The following ACYP2 variants were observed in gnomAD, a reference collection of about 807,000 sequenced individuals.
The protein encoded by ACYP2 is acylphosphatase 2.
Under a neutral mutation model 11.2 loss-of-function variants are expected in ACYP2, and 12 were observed. The ratio of observed to expected loss-of-function variants is 1.08; its 90% CI spans 0.69 to 1.74. The LOEUF (loss-of-function observed/expected upper bound fraction) is 1.74, where lower values mean the gene tolerates loss of function less well. ACYP2 is among the 40% of genes most tolerant of loss of function. ACYP2 has a pLI of 0.00. For synonymous variants in ACYP2, 43 were observed against 32.2 expected (o/e 1.33, Z -1.13); for missense variants, 134 against 101.9 (o/e 1.31, Z -1.35).
At chr2:54,026,227 GA>G (rs1046246319) in intron 2 of ACYP2, among the ~76,000 whole-genome samples, 3 of 151,768 alleles carry the variant, frequency 2.0e-5, no homozygotes, top group African/African-American at 7.3e-5. Flanking sequence ...AAATTAGCAA[GA>G]AAAAAACAAT....
At chr2:54,174,736 G>C (rs949422539) in intron 6 of ACYP2, among the ~76,000 whole-genome samples, 3 of 152,068 alleles carry the variant, frequency 2.0e-5, no homozygotes, top group African/African-American at 4.8e-5. Flanking sequence ...TAGCATGAAG[G>C]GCTGTTGAAT....
chr2:54,137,781 C>A (rs1681345105), intron 5 of ACYP2, among the ~76,000 whole-genome samples: 1 of 152,126 alleles, frequency 6.6e-6, no homozygotes, highest in Non-Finnish European at 1.5e-5. Context: ...AATTTATATT[C>A]TTTTGGGTAT....
intron 6 of ACYP2, among the ~76,000 whole-genome samples, chr2:54,282,973 A>T (rs1234434949): frequency 1.3e-5 from 2 of 152,182 alleles, no homozygotes; most frequent in Non-Finnish European, 2.9e-5. Context: ...CAATGATCAA[A>T]TATTATTGTT....
rs745652658 is a variant in ACYP2, at chr2:54,201,620, CTT to C, written c.404+62874_404+62875del. 1.8e-4 allele frequency among the ~76,000 whole-genome samples: 16 copies of C among 87,080 alleles called. No individual in the cohort carries two copies. In the South Asian group the frequency reaches 1.9e-3, roughly 10 times the overall value. 57.1% of individuals were successfully genotyped at this position (87,080 alleles called of 152,430 possible). A position where few individuals can be genotyped will look rare whatever the true frequency, so the allele number is the denominator to read the frequency against. ...TCTTTCTTTCTTTCTTTCTTTCTTT[CTT>C]TGTTTCTTTCTTTCTCTTTCTTTCT... On this transcript the variant is annotated intron_variant, in intron 6 of 6. Transcript: ENST00000607452.
chr2:54,182,047 A>C (rs1572899564), intron 6 of ACYP2, among the ~76,000 whole-genome samples: 1 of 83,062 alleles, frequency 1.2e-5, no homozygotes, highest in African/African-American at 5.2e-5. Flanking sequence ...ATAGAAGATA[A>C]TTTTTTTTTT....
chr2:54,083,585 G>C (rs956154697), intron 4 of ACYP2, among the ~76,000 whole-genome samples: 1 of 142,112 alleles, frequency 7.0e-6, no homozygotes, highest in Non-Finnish European at 1.6e-5. Context: ...AGTGAAACCA[G>C]GAGGATTAAA....
intron 2 of ACYP2, among the ~76,000 whole-genome samples, chr2:54,003,176 G>C (rs1672883249): frequency 6.6e-6 from 1 of 151,906 alleles, no homozygotes; most frequent in Non-Finnish European, 1.5e-5. Context: ...TCGAACCCCT[G>C]GCCTCAAGTG....
At chr2:54,066,826 T>C (rs1676777411) in intron 4 of ACYP2, among the ~76,000 whole-genome samples, 1 of 152,196 alleles carries the variant, frequency 6.6e-6, no homozygotes. Context: ...GGCCAAACTC[T>C]GGTGAATTTC....
At position 54,305,260 on chromosome 2, in the gene ACYP2, T is replaced by A. The variant is rs1310350141; in HGVS notation, c.*458T>A. 1 of 150,416 alleles carries A rather than the reference T, an allele frequency of 6.6e-6. No individual in the cohort carries two copies. The highest frequency in any genetic ancestry group is 1.5e-5 in the Non-Finnish European group (1 of 67,294). 9.3% of individuals were successfully genotyped at this position (150,416 alleles called of 1,614,324 possible). A position where few individuals can be genotyped will look rare whatever the true frequency, so the allele number is the denominator to read the frequency against. On this transcript the variant is annotated 3_prime_UTR_variant, in exon 7 of 7. Transcript: ENST00000607452. ...CAGTGATTAGAAATAAATGTGATGA[T>A]CAATATAACCATAAAATATTATCAA...
At chr2:54,101,728 T>A (rs1678904785) in intron 4 of ACYP2, among the ~76,000 whole-genome samples, 1 of 151,894 alleles carries the variant, frequency 6.6e-6, no homozygotes. Context: ...CTTTCCTTCC[T>A]TCTTTCTTTC....
At chr2:54,171,610 A>G (rs1223872715) in intron 6 of ACYP2, among the ~76,000 whole-genome samples, 2 of 152,192 alleles carry the variant, frequency 1.3e-5, no homozygotes, top group African/African-American at 4.8e-5. Context: ...TTTCACCAGT[A>G]GAAGCATTAC....
chr2:54,241,828 C>T (rs903401810), intron 6 of ACYP2, among the ~76,000 whole-genome samples: 1 of 152,118 alleles, frequency 6.6e-6, no homozygotes, highest in Non-Finnish European at 1.5e-5. Flanking sequence ...GCCTGGCCAA[C>T]GTGGTGAAAC....
At chr2:54,044,547 A>G (rs951037188) in intron 2 of ACYP2, among the ~76,000 whole-genome samples, 1 of 151,756 alleles carries the variant, frequency 6.6e-6, no homozygotes, top group Non-Finnish European at 1.5e-5. Flanking sequence ...AGATTACACC[A>G]CTGCACTCCA....
intron 6 of ACYP2, among the ~76,000 whole-genome samples, chr2:54,177,666 C>T (rs1336833279): frequency 2.0e-5 from 3 of 151,650 alleles, no homozygotes; most frequent in African/African-American, 7.3e-5. Flanking sequence ...CAACCTGTGC[C>T]TCCCAGGTTC....
chr2:54,258,221 G>A (rs923613651), intron 6 of ACYP2, among the ~76,000 whole-genome samples: 3 of 151,406 alleles, frequency 2.0e-5, no homozygotes, highest in African/African-American at 7.3e-5. Flanking sequence ...AAAGTCCTGG[G>A]GGTAGGGAGT....
intron 6 of ACYP2, among the ~76,000 whole-genome samples, chr2:54,221,704 A>G (rs1685809108): frequency 6.6e-6 from 1 of 151,736 alleles, no homozygotes; most frequent in Non-Finnish European, 1.5e-5. Context: ...TATTTTTAGT[A>G]GAGACAAGGT....
intron 6 of ACYP2, among the ~76,000 whole-genome samples, chr2:54,158,331 C>T (rs984500600): frequency 1.6e-4 from 25 of 151,620 alleles, no homozygotes; most frequent in Admixed American, 1.1e-3. Flanking sequence ...CATGAGCCAC[C>T]GTGCCCGGCC....
chr2:54,256,193 GAGGTAGGT>G (rs1483210466), intron 6 of ACYP2: 1 of 1,553,910 alleles, frequency 6.4e-7, no homozygotes, highest in Non-Finnish European at 8.7e-7. Flanking sequence ...GGCCAGGCCA[GAGGTAGGT>G]AGCGTCAACG....
chr2:54,103,251 A>T (rs138332077), intron 4 of ACYP2, among the ~76,000 whole-genome samples: 6 of 152,368 alleles, frequency 3.9e-5, no homozygotes, highest in African/African-American at 1.2e-4. Context: ...GGAATAATGC[A>T]TAGATAAAAG....
Sources: allele counts gnomAD v4.1 joint callset (sites outside exome capture counted in the v4.1 genomes callset), GRCh38; gene constraint gnomAD v4.1.1; transcripts MANE v1.5; gene names NCBI Gene and HGNC (gene_info 2026-07-23, HGNC 2026-07-21).